Variants in ASAP3 observed in about 807,000 individuals in gnomAD.
The protein encoded by ASAP3 is ArfGAP with SH3 domain, ankyrin repeat and PH domain 3.
ASAP3 carries 85 observed loss-of-function variants against 118.2 expected under a neutral mutation model. The ratio of observed to expected loss-of-function variants is 0.72; its 90% CI spans 0.60 to 0.86. The LOEUF (loss-of-function observed/expected upper bound fraction) is 0.86. ASAP3 is among the 40% of genes least tolerant of loss of function. ASAP3 has a pLI of 0.00. For synonymous variants in ASAP3, 432 were observed against 477.4 expected, an observed-to-expected ratio of 0.90 and a Z score of 1.24; for missense variants, 1,026 against 1,175.0, an observed-to-expected ratio of 0.87 and a Z score of 1.85.
At chr1:23,482,296 T>G (rs1236771504) in intron 1 of ASAP3, among the ~76,000 whole-genome samples, 2 of 152,228 alleles carry the variant, frequency 1.3e-5, no homozygotes, top group Admixed American at 6.5e-5. Flanking sequence ...CCAAGGCGGA[T>G]AGACTGCCTG....
chr1:23,452,960 C>A (rs143171194), intron 3 of ASAP3, among the ~76,000 whole-genome samples, 189 bp from the exon 4 acceptor site: 1 of 150,416 alleles, frequency 6.6e-6, no homozygotes, highest in South Asian at 2.1e-4. Context: ...GCTGAGCCTG[C>A]GGGGGGGGAC....
chr1:23,458,398 G>C (rs113269687), intron 1 of ASAP3, among the ~76,000 whole-genome samples: 38 of 152,252 alleles, frequency 2.5e-4, no homozygotes, highest in African/African-American at 8.7e-4. Context: ...CAAAGCAGGA[G>C]GATCACTTGA....
intron 1 of ASAP3, among the ~76,000 whole-genome samples, chr1:23,457,674 G>A (rs1025421797): frequency 7.9e-5 from 12 of 152,130 alleles, no homozygotes; most frequent in Middle Eastern, 3.2e-3. Context: ...CCACCACCTG[G>A]CTAATTTTTT....
In ASAP3 at chr1:23,455,992, G is replaced by A. The variant is rs375900499; in HGVS notation, c.237C>T (p.Ala79=). The A allele has an allele frequency of 2.9e-5, 47 of 1,614,092 alleles. No individual in the cohort carries two copies. The African/African-American group carries it at 3.7e-4, about 13-fold the overall frequency. Residue 79 remains alanine, a synonymous_variant, in exon 3 of 25, where the codon GCC becomes GCT. Transcript: ENST00000336689. ...GGTGGCTGTTGCCTAAGGATTCCAC[G>A]GCCTCTCGGTACTGCTCTTCATTCT... ...HVENEEQYRE[A]VESLGNSHLS...
intron 1 of ASAP3, among the ~76,000 whole-genome samples, chr1:23,472,646 C>T (rs1641997028): frequency 6.6e-6 from 1 of 152,198 alleles, no homozygotes; most frequent in Non-Finnish European, 1.5e-5. Flanking sequence ...AATCTCAACA[C>T]TCACTCATGG....
rs1443886415 is a variant in ASAP3 at position 23,474,850 on chromosome 1, TG to T, written c.129+9154del. Among the ~76,000 whole-genome samples, 4 of 152,228 alleles carry T rather than the reference TG, an allele frequency of 2.6e-5. No individual in the cohort carries two copies. The East Asian group carries it at 7.7e-4, about 29-fold the overall frequency. On this transcript the variant is annotated intron_variant, in intron 1 of 24. Coordinates refer to ENST00000336689, the MANE Select transcript of ASAP3 (RefSeq NM_017707.4). ...CCCCTGCCTCAGCCTCCCAAAGTGC[TG>T]GGATTACGGGTGTGGGCCACCGCGC...
chr1:23,460,366 G>A (rs550971467), intron 1 of ASAP3, among the ~76,000 whole-genome samples: 6 of 152,076 alleles, frequency 3.9e-5, no homozygotes, highest in Non-Finnish European at 7.4e-5. Context: ...AATTAGCCAG[G>A]CGTGGTGGCA....
chr1:23,432,751 A>G (rs958785194), intron 22 of ASAP3, among the ~76,000 whole-genome samples: 2 of 152,126 alleles, frequency 1.3e-5, no homozygotes, highest in African/African-American at 2.4e-5. Flanking sequence ...CCCCTACTAG[A>G]CTGTGTCTTG....
At chr1:23,442,055 T>A in intron 7 of ASAP3, 131 bp downstream of exon 7, 1 of 962,926 alleles carries the variant, frequency 1.0e-6, no homozygotes. Flanking sequence ...GAGCACTCAA[T>A]GAGGAACTAT....
Position 23,441,412 on chromosome 1 carries a change from C to T in ASAP3, c.809G>A (p.Gly270Glu), listed in dbSNP as rs878948424. The T allele has an allele frequency of 6.2e-7, 1 of 1,614,144 alleles. No homozygotes were observed. Among genetic ancestry groups the T allele is most frequent in the Non-Finnish European group, 8.5e-7 (1 of 1,180,016 alleles). The change falls in exon 9 of 25, where the codon GGG (glycine) becomes GAG (glutamate). Residue 270 changes from glycine (G) to glutamate (E), a missense_variant. Physicochemically the swap from Gly to Glu is moderately conservative, Grantham distance 98. Coordinates refer to ENST00000336689, the MANE Select transcript of ASAP3 (RefSeq NM_017707.4). Reference sequence around the variant, plus strand: ...CTCTCTGCTCTCAAGCTGCAGTGTCCCTCGGAGGGAGTCCCGGAGCTGGGT... The same window carrying T: ...CTCTCTGCTCTCAAGCTGCAGTGTCTCTCGGAGGGAGTCCCGGAGCTGGGT... ...KLTQLRDSLRGTLQLESREEH... is the reference protein window; with the variant it reads ...KLTQLRDSLRETLQLESREEH...
chr1:23,475,402 C>T (rs964998173), intron 1 of ASAP3, among the ~76,000 whole-genome samples: 6 of 152,236 alleles, frequency 3.9e-5, no homozygotes, highest in African/African-American at 1.2e-4. Context: ...CTGTGAACTA[C>T]TGAACATTCC....
rs569074524 is a variant in ASAP3 at position 23,437,120 on chromosome 1, G to C, written c.1342+10C>G. 26 of 1,600,668 alleles carry C rather than the reference G, an allele frequency of 1.6e-5. 1 individual carries two copies. The South Asian group carries it at 2.8e-4, about 17-fold the overall frequency. ...TAAGCCTCCCTCCTGCCCCGGCCCC[G>C]GGGACCGACCTGCAGCCCCGCAGTC... On this transcript the variant is annotated intron_variant, in intron 14 of 24. Transcript: ENST00000336689. The surrounding 1 kb of genome is among the most constrained non-coding windows in gnomAD (Gnocchi z 6.1).
chr1:23,473,974 CTTTT>C (rs10664798), intron 1 of ASAP3, among the ~76,000 whole-genome samples: 27 of 72,110 alleles, frequency 3.7e-4, no homozygotes, highest in South Asian at 1.9e-3. Flanking sequence ...TAAATCTGCT[CTTTT>C]TTTTTTTTTT....
In ASAP3 at chr1:23,429,989, A is replaced by G; in HGVS notation, c.2638-59T>C. ...AGCACCTGTAACATACCAGGTGTTCATCTCACTCAGTTTCACATCTGTCCT... is the reference window on the plus strand; with the variant it reads ...AGCACCTGTAACATACCAGGTGTTCGTCTCACTCAGTTTCACATCTGTCCT... On this transcript the variant is annotated intron_variant, in intron 24 of 24. Transcript: ENST00000336689. 4 of 1,383,202 alleles carry G rather than the reference A, an allele frequency of 2.9e-6. No homozygotes were observed. In the South Asian group the frequency reaches 4.8e-5, roughly 17 times the overall value. 85.7% of individuals were successfully genotyped at this position (1,383,202 alleles called of 1,614,324 possible).
At chr1:23,474,253 C>T (rs558605216) in intron 1 of ASAP3, among the ~76,000 whole-genome samples, 1 of 152,252 alleles carries the variant, frequency 6.6e-6, no homozygotes, top group Admixed American at 6.5e-5. Context: ...CAGGCGTGAG[C>T]CATAAATCTG....
intron 1 of ASAP3, among the ~76,000 whole-genome samples, chr1:23,469,911 G>A (rs1220892819): frequency 6.6e-6 from 1 of 152,162 alleles, no homozygotes; most frequent in Non-Finnish European, 1.5e-5. Context: ...TTCTCTCTCT[G>A]AGCCCCAGTT....
intron 1 of ASAP3, among the ~76,000 whole-genome samples, chr1:23,460,144 T>C (rs55796501): frequency 0.098 from 14,891 of 151,716 alleles, 860 homozygotes; most frequent in Non-Finnish European, 0.13. Context: ...AATTGAAAAA[T>C]AAAAAGGAAG....
At chr1:23,462,117 G>A (rs1258873215) in intron 1 of ASAP3, among the ~76,000 whole-genome samples, 3 of 151,498 alleles carry the variant, frequency 2.0e-5, no homozygotes, top group Admixed American at 6.6e-5. Context: ...TCTGCCTCCC[G>A]GGTTCACGCC....
In ASAP3 at chr1:23,456,164, T is replaced by C. The variant is rs1558153725; in HGVS notation, c.160A>G (p.Arg54Gly). 1.2e-6 allele frequency: 2 copies of C among 1,613,974 alleles called. No homozygotes were observed. Among genetic ancestry groups the C allele is most frequent in the African/African-American group, 2.7e-5 (2 of 74,900 alleles). ...ILEGDQAILQRIKKAVRAIHS... is the reference protein window; with the variant it reads ...ILEGDQAILQGIKKAVRAIHS... ...ATTGCCCGCACAGCCTTCTTTATTC[T>C]CTGCAGGATGGCTTGGTCTCCTTCC... The change falls in exon 2 of 25, where the codon AGA becomes GGA. Residue 54 changes from arginine to glycine, a missense_variant. By Grantham distance (125) the Arg-to-Gly change is moderately radical. Coordinates refer to ENST00000336689, the MANE Select transcript of ASAP3 (RefSeq NM_017707.4).
Sources: allele counts gnomAD v4.1 joint callset (sites outside exome capture counted in the v4.1 genomes callset), GRCh38; gene constraint gnomAD v4.1.1; non-coding constraint Gnocchi (gnomAD v3.1); transcripts MANE v1.5; gene names NCBI Gene and HGNC (gene_info 2026-07-23, HGNC 2026-07-21).